PARD3: variants seen among roughly 807,000 people sequenced by gnomAD.
The protein encoded by PARD3 is par-3 family cell polarity regulator.
A neutral mutation model predicts 155.4 loss-of-function variants in PARD3; 75 were observed. The ratio of observed to expected loss-of-function variants is 0.48; its 90% confidence interval spans 0.40 to 0.58. The LOEUF (loss-of-function observed/expected upper bound fraction) is 0.58. Among genes scored for constraint, PARD3 ranks in the 20% least tolerant of loss-of-function variants. The probability of loss-of-function intolerance (pLI) is 0.00; values close to 1 mark genes in which losing one functional copy is unlikely to be tolerated. For synonymous variants in PARD3, 576 were observed against 610.5 expected (o/e 0.94, Z 0.83); for missense variants, 1,642 against 1,721.7 (o/e 0.95, Z 0.82).
intron 2 of PARD3, among the ~76,000 whole-genome samples, chr10:34,610,255 A>G (rs374359480): frequency 9.8e-4 from 149 of 152,350 alleles, no homozygotes; most frequent in African/African-American, 3.4e-3. Flanking sequence ...CCAGGTACCT[A>G]GCAAACCATC....
intron 22 of PARD3, among the ~76,000 whole-genome samples, chr10:34,254,041 C>T (rs924188620): frequency 6.6e-6 from 1 of 152,038 alleles, no homozygotes; most frequent in East Asian, 1.9e-4. Flanking sequence ...ATATAATATA[C>T]CAATGTAGCA....
intron 16 of PARD3, 59 bp downstream of exon 16, chr10:34,341,568 T>TA: frequency 7.1e-7 from 1 of 1,408,092 alleles, no homozygotes; most frequent in Non-Finnish European, 9.7e-7. Context: ...GTAAGCCACT[T>TA]AAACATAAAA....
At chr10:34,780,307 T>G (rs747327077) in intron 1 of PARD3, among the ~76,000 whole-genome samples, 5 of 152,260 alleles carry the variant, frequency 3.3e-5, no homozygotes, top group Non-Finnish European at 7.3e-5. Context: ...GTCCAAGTAC[T>G]GGTTTACGGC....
chr10:34,681,729 TTTA>T (rs2093826586), intron 2 of PARD3, among the ~76,000 whole-genome samples: 1 of 56,548 alleles, frequency 1.8e-5, no homozygotes, highest in Admixed American at 2.3e-4. Context: ...ACGTATGTAT[TTTA>T]TATATATATA....
At chr10:34,308,308 T>A (rs999929893) in intron 20 of PARD3, among the ~76,000 whole-genome samples, 1 of 152,126 alleles carries the variant, frequency 6.6e-6, no homozygotes, top group Non-Finnish European at 1.5e-5. Context: ...GAAGCAGGGG[T>A]TGAGGCAGGG....
intron 2 of PARD3, among the ~76,000 whole-genome samples, chr10:34,604,526 A>G (rs2090059852): frequency 6.6e-6 from 1 of 151,130 alleles, no homozygotes; most frequent in Non-Finnish European, 1.5e-5. Flanking sequence ...CTATTATGGG[A>G]CTTTGTGATC....
At chr10:34,780,342 T>C (rs980384679) in intron 1 of PARD3, among the ~76,000 whole-genome samples, 9 of 152,196 alleles carry the variant, frequency 5.9e-5, no homozygotes, top group African/African-American at 1.2e-4. Flanking sequence ...TCTATCTCAA[T>C]AGCCCTCTCA....
chr10:34,160,330 G>A (rs145610093), intron 22 of PARD3, among the ~76,000 whole-genome samples: 177 of 152,334 alleles, frequency 1.2e-3, no homozygotes, highest in Non-Finnish European at 2.0e-3. Flanking sequence ...GCACACTCAT[G>A]TAGAACTAAT....
Position 34,442,181 on chromosome 10 carries a change from T to C in PARD3, c.714+8136A>G, listed in dbSNP as rs192495338. Among the ~76,000 whole-genome samples, 24 of 152,274 alleles carry C rather than the reference T, an allele frequency of 1.6e-4. No individual in the cohort carries two copies. The East Asian group carries it at 3.7e-3, about 23-fold the overall frequency. ...TTAGTTTATTTTTAACCAAATAATA[T>C]GAACAGTCATTTGGATCCTCATTGA... is the stretch of plus-strand genomic sequence containing the variant. On this transcript the variant is annotated intron_variant, in intron 5 of 24. Transcript: ENST00000374788.
intron 2 of PARD3, among the ~76,000 whole-genome samples, chr10:34,590,833 A>C (rs2088610849): frequency 6.6e-6 from 1 of 152,166 alleles, no homozygotes; most frequent in Non-Finnish European, 1.5e-5. Flanking sequence ...GAAACCTCAT[A>C]AACGCTGTGT....
intron 2 of PARD3, among the ~76,000 whole-genome samples, chr10:34,627,492 T>G (rs896290016): frequency 6.6e-6 from 1 of 152,142 alleles, no homozygotes; most frequent in African/African-American, 2.4e-5. Flanking sequence ...CCGAGATGAC[T>G]AACGTCCTTA....
Position 34,383,947 on chromosome 10 carries a change from T to G in PARD3, c.1016+182A>C, listed in dbSNP as rs1478925486. On this transcript the variant is annotated intron_variant, in intron 8 of 24. Transcript: ENST00000374788. The stretch of plus-strand genomic sequence containing the variant: ...AGAGCTATATCCATCAGAGGACATT[T>G]TGAAATATAGTCTAATGGTATTAAT... 3.3e-5 allele frequency among the ~76,000 whole-genome samples: 5 copies of G among 152,310 alleles called. 1 individual carries two copies. The highest frequency in any genetic ancestry group is 2.6e-4 in the Admixed American group (4 of 15,300).
chr10:34,635,901 A>G (rs1215183570), intron 2 of PARD3, among the ~76,000 whole-genome samples: 1 of 152,136 alleles, frequency 6.6e-6, no homozygotes, highest in Non-Finnish European at 1.5e-5. Context: ...GTGTGGGCAG[A>G]CTGGGTCTTT....
chr10:34,141,160 T>G (rs2132864245), intron 22 of PARD3, among the ~76,000 whole-genome samples: 1 of 152,308 alleles, frequency 6.6e-6, no homozygotes, highest in South Asian at 2.1e-4. Context: ...ATAGAGAAAG[T>G]CTAAACTGAG....
intron 2 of PARD3, among the ~76,000 whole-genome samples, chr10:34,545,067 C>T (rs1564828884): frequency 6.6e-6 from 1 of 152,180 alleles, no homozygotes; most frequent in Non-Finnish European, 1.5e-5. Context: ...ATCACATGAG[C>T]TTCAAAACCC....
At chr10:34,617,006 A>G (rs2091302538) in intron 2 of PARD3, among the ~76,000 whole-genome samples, 1 of 151,926 alleles carries the variant, frequency 6.6e-6, no homozygotes, top group Non-Finnish European at 1.5e-5. Context: ...ATGTAATCGT[A>G]GCACTTTAGG....
chr10:34,657,875 G>A (rs1261369375), intron 2 of PARD3, among the ~76,000 whole-genome samples: 3 of 151,748 alleles, frequency 2.0e-5, no homozygotes, highest in South Asian at 2.1e-4. Context: ...AGCCAGGCGC[G>A]GTGGCTCACG....
intron 5 of PARD3, among the ~76,000 whole-genome samples, chr10:34,407,273 T>C (rs1195152032): frequency 2.0e-5 from 3 of 152,284 alleles, no homozygotes; most frequent in Non-Finnish European, 4.4e-5. Context: ...CTGCCTGGCA[T>C]TGGATTGACA....
intron 22 of PARD3, among the ~76,000 whole-genome samples, chr10:34,207,969 T>G (rs1395741857): frequency 6.6e-6 from 1 of 152,200 alleles, no homozygotes. Flanking sequence ...AGTAATGAGC[T>G]CTCTCTGGAT....
Sources: gnomAD v4.1 joint callset for allele counts (sites outside exome capture counted in the v4.1 genomes callset) on GRCh38, gnomAD v4.1.1 for gene constraint, MANE v1.5 for transcripts, NCBI Gene and HGNC (gene_info 2026-07-23, HGNC 2026-07-21) for gene names.